Variants in CYRIB observed in about 807,000 individuals in gnomAD.
CYRIB encodes the protein CYFIP-related Rac1 interactor B.
CYRIB carries 8 observed loss-of-function variants against 44.2 expected under a neutral mutation model. The ratio of observed to expected loss-of-function variants is 0.18; its 90% confidence interval spans 0.11 to 0.33. CYRIB has a LOEUF of 0.33. Ranked by LOEUF, CYRIB falls within the 10% of genes least tolerant of loss-of-function variation. CYRIB has a pLI of 1.00. For missense variants in CYRIB, 185 were observed against 382.8 expected (o/e 0.48, Z 4.31); for synonymous variants, 131 against 127.2 (o/e 1.03, Z -0.20).
intron 1 of CYRIB, among the ~76,000 whole-genome samples, chr8:129,935,575 G>A (rs568159637): frequency 3.3e-5 from 5 of 152,214 alleles, no homozygotes; most frequent in Non-Finnish European, 7.3e-5. Context: ...TTCCAAACAG[G>A]CCACGGCCCA....
In CYRIB at chr8:130,006,664, A is replaced by ATATATATACACATATATATGTG. The variant is rs1564801445; in HGVS notation, c.-296+9705_-296+9706insCACATATATATGTGTATATATA. 4.8e-4 allele frequency among the ~76,000 whole-genome samples: 24 copies of ATATATATACACATATATATGTG among 49,488 alleles called. 1 individual carries two copies. The highest frequency in any genetic ancestry group is 1.9e-3 in the African/African-American group (22 of 11,508). The allele number at this position is 49,488 out of a possible 152,430, so 32.5% of individuals were successfully genotyped here. A position where few individuals can be genotyped will look rare whatever the true frequency, so the allele number is the denominator to read the frequency against. On this transcript the variant is annotated intron_variant, in intron 1 of 14. Coordinates refer to the CYRIB transcript ENST00000401979. The stretch of plus-strand genomic sequence containing the variant: ...TGTATATATATACATATATATATGT[A>ATATATATACACATATATATGTG]TATATATATGTATATATATACACAC...
chr8:129,891,751 C>T (rs1196379911), intron 2 of CYRIB, among the ~76,000 whole-genome samples: 1 of 152,196 alleles, frequency 6.6e-6, no homozygotes, highest in East Asian at 1.9e-4. Context: ...ACTTGTTAGA[C>T]TAAATCTCTT....
intron 5 of CYRIB, among the ~76,000 whole-genome samples, chr8:129,857,447 G>A (rs1212807368): frequency 6.6e-6 from 1 of 152,152 alleles, no homozygotes; most frequent in Non-Finnish European, 1.5e-5. Context: ...TTGAGGAACT[G>A]CAACACCACC....
chr8:129,931,680 G>T (rs922028800), intron 1 of CYRIB, among the ~76,000 whole-genome samples: 9 of 152,130 alleles, frequency 5.9e-5, no homozygotes, highest in Non-Finnish European at 1.2e-4. Context: ...AGGCTAGAAT[G>T]CAGTGGCATG....
intron 7 of CYRIB, 126 bp downstream of exon 9, chr8:129,854,140 C>G (rs2044846830): frequency 2.7e-6 from 2 of 742,030 alleles, no homozygotes; most frequent in African/African-American, 3.6e-5. Context: ...ACAGCTATGG[C>G]TGCCCATAAT....
intron 7 of CYRIB, among the ~76,000 whole-genome samples, chr8:129,853,060 T>C (rs1171402682): frequency 6.6e-6 from 1 of 152,064 alleles, no homozygotes; most frequent in Non-Finnish European, 1.5e-5. Flanking sequence ...GAGTGGGAAT[T>C]AGGCTCTCTG....
intron 1 of CYRIB, among the ~76,000 whole-genome samples, chr8:129,936,583 A>G (rs1002753163): frequency 1.3e-5 from 2 of 152,206 alleles, no homozygotes; most frequent in Admixed American, 1.3e-4. Context: ...CAAGATACAT[A>G]TATCAAGTGC....
chr8:129,939,059 G>A (rs1034561599), intron 1 of CYRIB, among the ~76,000 whole-genome samples: 5 of 152,226 alleles, frequency 3.3e-5, no homozygotes, highest in Admixed American at 1.3e-4. Context: ...CCGCGCAGGT[G>A]GAAGGCGAAG....
intron 1 of CYRIB, among the ~76,000 whole-genome samples, chr8:129,933,603 C>T (rs903830404): frequency 6.6e-5 from 10 of 152,224 alleles, no homozygotes; most frequent in East Asian, 1.9e-4. Context: ...AAGCCGGGTG[C>T]GGTGGCTCGC....
chr8:129,924,303 G>GT lies in CYRIB; in HGVS notation c.-50+15304_-50+15305insA, dbSNP rs1589935018. ...AAAAAAAAAAAACCGGGGGGGGGGGGGGTGGCGGGGGGGGTGTTACTTACC... is the reference window on the plus strand; with the variant it reads ...AAAAAAAAAAAACCGGGGGGGGGGGGTGGTGGCGGGGGGGGTGTTACTTACC... On this transcript the variant is annotated intron_variant, in intron 1 of 11. Coordinates refer to ENST00000519824, the Ensembl canonical transcript of CYRIB. Among the ~76,000 whole-genome samples the GT allele has an allele frequency of 2.9e-4, 18 of 62,816 alleles. 3 individuals are homozygous for GT. Among genetic ancestry groups the GT allele is most frequent in the Admixed American group, 1.8e-3 (10 of 5,608 alleles). 41.2% of individuals were successfully genotyped at this position (62,816 alleles called of 152,430 possible).
At chr8:129,866,040 C>T (rs1458191026) in intron 4 of CYRIB, among the ~76,000 whole-genome samples, 1 of 152,112 alleles carries the variant, frequency 6.6e-6, no homozygotes, top group Non-Finnish European at 1.5e-5. Flanking sequence ...TTGAGCCAAC[C>T]CACTCTGTCC....
chr8:129,942,757 T>G (rs970854642), upstream of CYRIB, among the ~76,000 whole-genome samples: 13 of 152,344 alleles, frequency 8.5e-5, no homozygotes, highest in Middle Eastern at 0.014. Context: ...TGTACTAAGC[T>G]CTACGCTCTT....
At chr8:129,884,987 A>G (rs887048630) in intron 2 of CYRIB, among the ~76,000 whole-genome samples, 1 of 152,274 alleles carries the variant, frequency 6.6e-6, no homozygotes, top group Non-Finnish European at 1.5e-5. Flanking sequence ...ACTTAAATAC[A>G]TTAGACCATT....
intron 4 of CYRIB, among the ~76,000 whole-genome samples, chr8:129,863,630 CTGAG>C (rs2051340079): frequency 1.3e-5 from 2 of 151,930 alleles, no homozygotes; most frequent in African/African-American, 2.4e-5. Context: ...TCAGGCTTTC[CTGAG>C]TAAGATGAAA....
At chr8:129,863,814 T>G (rs1037200390) in intron 4 of CYRIB, among the ~76,000 whole-genome samples, 2 of 152,352 alleles carry the variant, frequency 1.3e-5, no homozygotes, top group Non-Finnish European at 2.9e-5. Context: ...CATAGATGTT[T>G]TTTGTACTCC....
At chr8:129,931,925 C>A (rs1231571234) in intron 1 of CYRIB, among the ~76,000 whole-genome samples, 1 of 151,896 alleles carries the variant, frequency 6.6e-6, no homozygotes, top group Non-Finnish European at 1.5e-5. Context: ...GTATGCCTGG[C>A]ACTTCTTTAA....
At chr8:129,943,423 T>C (rs1184607524), upstream of CYRIB, among the ~76,000 whole-genome samples, 1 of 148,752 alleles carries the variant, frequency 6.7e-6, no homozygotes, top group Non-Finnish European at 1.5e-5. Flanking sequence ...CCATCTCTAC[T>C]GAAAAAAAAA....
intron 1 of CYRIB, among the ~76,000 whole-genome samples, chr8:129,993,776 C>T (rs2096702990): frequency 6.6e-6 from 1 of 151,810 alleles, no homozygotes; most frequent in Non-Finnish European, 1.5e-5. Context: ...GTGGGAGAAG[C>T]ACTTGAACCC....
At chr8:130,013,126 A>T (rs531920448) in intron 1 of CYRIB, among the ~76,000 whole-genome samples, 1 of 152,374 alleles carries the variant, frequency 6.6e-6, no homozygotes, top group South Asian at 2.1e-4. Context: ...AACAGTGATT[A>T]TTACTGTTGT....
Sources: gnomAD v4.1 joint callset for allele counts (sites outside exome capture counted in the v4.1 genomes callset) on GRCh38, gnomAD v4.1.1 for gene constraint, MANE v1.5 for transcripts, NCBI Gene and HGNC (gene_info 2026-07-23, HGNC 2026-07-21) for gene names.